SOX5: variants seen among roughly 807,000 people sequenced by gnomAD.
SOX5 encodes the protein transcription factor SOX-5.
A neutral mutation model predicts 92.0 loss-of-function variants in SOX5; 9 were observed. The observed-to-expected ratio is 0.10, with a 90% CI of 0.06 to 0.17. SOX5 has a LOEUF of 0.17. Among genes scored for constraint, SOX5 ranks in the 10% least tolerant of loss-of-function variants. SOX5 has a pLI of 1.00. For missense variants in SOX5, 642 were observed against 944.5 expected, an observed-to-expected ratio of 0.68 and a Z score of 4.20; for synonymous variants, 344 against 336.3, an observed-to-expected ratio of 1.02 and a Z score of -0.25.
At chr12:24,385,038 C>T (rs997287449) in intron 1 of SOX5, among the ~76,000 whole-genome samples, 1 of 151,188 alleles carries the variant, frequency 6.6e-6, no homozygotes. Flanking sequence ...GAGAGAGAGA[C>T]AGACCACATT....
intron 9 of SOX5, among the ~76,000 whole-genome samples, chr12:23,577,303 C>T (rs1366148988): frequency 6.7e-6 from 1 of 148,522 alleles, no homozygotes; most frequent in African/African-American, 2.5e-5. Flanking sequence ...AAGTGATTCT[C>T]CTGCCTCAGC....
chr12:24,344,281 CAAAAAAAAAAAAAAAAA>C (rs61660537), intron 2 of SOX5, among the ~76,000 whole-genome samples: 5 of 104,288 alleles, frequency 4.8e-5, no homozygotes, highest in Non-Finnish European at 1.0e-4. Context: ...GACTCTGTCT[CAAAAAAAAAAAAAAAAA>C]AAAAAAAAAA....
At chr12:23,662,188 G>T (rs368087644) in intron 7 of SOX5, among the ~76,000 whole-genome samples, 1 of 151,784 alleles carries the variant, frequency 6.6e-6, no homozygotes, top group Non-Finnish European at 1.5e-5. Flanking sequence ...GAGAGAGAAA[G>T]GATTTGATTC....
At chr12:23,927,962 T>TC (rs1311045938) in intron 1 of SOX5, among the ~76,000 whole-genome samples, 1 of 152,006 alleles carries the variant, frequency 6.6e-6, no homozygotes, top group Admixed American at 6.6e-5. Flanking sequence ...TTAGTAGCCA[T>TC]TAGATGGCTA....
chr12:23,604,255 CCTTA>C (rs1276098995), intron 9 of SOX5, 128 bp downstream of exon 9: 14 of 816,424 alleles, frequency 1.7e-5, no homozygotes, highest in Non-Finnish European at 2.6e-5. Context: ...CACCTGTTGC[CCTTA>C]CTTGATTCTT....
intron 3 of SOX5, among the ~76,000 whole-genome samples, chr12:24,251,485 T>C (rs529732814): frequency 2.6e-5 from 4 of 152,298 alleles, no homozygotes; most frequent in East Asian, 1.9e-4. Context: ...GTCTATATTA[T>C]AGCCTAGCTC....
At chr12:24,303,861 T>C (rs1346095303) in intron 2 of SOX5, among the ~76,000 whole-genome samples, 2 of 152,154 alleles carry the variant, frequency 1.3e-5, no homozygotes, top group Non-Finnish European at 2.9e-5. Context: ...CCAACCACAA[T>C]AGGTAAACTG....
At chr12:24,409,123 C>T (rs975390540) in intron 1 of SOX5, among the ~76,000 whole-genome samples, 4 of 152,200 alleles carry the variant, frequency 2.6e-5, no homozygotes, top group Admixed American at 6.5e-5. Flanking sequence ...GGTACATATA[C>T]ATCATGGAAT....
intron 4 of SOX5, among the ~76,000 whole-genome samples, chr12:24,083,422 G>A (rs558214888): frequency 2.0e-5 from 3 of 152,212 alleles, no homozygotes; most frequent in African/African-American, 7.2e-5. Context: ...GCCAGGCATT[G>A]TACCAAGCCA....
intron 2 of SOX5, among the ~76,000 whole-genome samples, chr12:24,299,886 C>A (rs1004316456): frequency 1.3e-5 from 2 of 152,160 alleles, no homozygotes; most frequent in African/African-American, 2.4e-5. Context: ...CCTTACCATG[C>A]TCTCTGTGTG....
intron 3 of SOX5, among the ~76,000 whole-genome samples, chr12:23,794,990 A>T (rs1473560207): frequency 6.6e-6 from 1 of 152,160 alleles, no homozygotes; most frequent in Admixed American, 6.6e-5. Context: ...ACAAAAACAC[A>T]ATAAGAAATT....
rs138915396 is a variant in SOX5 at position 24,118,156 on chromosome 12, T to C, written c.-2+95187A>G. 2.2e-3 allele frequency among the ~76,000 whole-genome samples: 334 copies of C among 152,064 alleles called. 1 individual carries two copies. The highest frequency in any genetic ancestry group is 7.4e-3 in the African/African-American group (308 of 41,478). ...ATCAAAAGTTACAAGGTTTTAATTA[T>C]ACTGGGGGAATAACTTTTAGTGATC... On this transcript the variant is annotated intron_variant, in intron 4 of 4. Transcript: ENST00000446891.
chr12:23,534,437 G>C lies in SOX5; in HGVS notation c.2074C>G (p.Pro692Ala). ...CTAGACACGCTTGAGTGCTCCGAGG[G>C]CAGGTGAGGGGAGGGCATCCCAGCC... Reference protein sequence around the residue: ...AMAGMPSPHLPSEHSSVSSSP... With the variant: ...AMAGMPSPHLASEHSSVSSSP... The change falls in exon 15 of 15, where the codon CCC becomes GCC. Residue 692 changes from proline to alanine, a missense_variant. By Grantham distance (27) the Pro-to-Ala change is conservative. Around this residue, in one of 8 missense-constraint regions of SOX5, gnomAD observed 130 missense variants for 140.6 expected, o/e 0.92. Transcript: ENST00000451604. 1 of 1,614,068 alleles carries C rather than the reference G, an allele frequency of 6.2e-7. No homozygotes were observed. The highest frequency in any genetic ancestry group is 8.5e-7 in the Non-Finnish European group (1 of 1,179,990).
At chr12:23,768,036 A>G (rs1216584236) in intron 3 of SOX5, among the ~76,000 whole-genome samples, 2 of 152,302 alleles carry the variant, frequency 1.3e-5, no homozygotes, top group African/African-American at 4.8e-5. Context: ...ATACTATGCC[A>G]TGGATTCCAT....
At chr12:24,441,426 T>C (rs538405421) in intron 1 of SOX5, among the ~76,000 whole-genome samples, 1 of 152,328 alleles carries the variant, frequency 6.6e-6, no homozygotes, top group African/African-American at 2.4e-5. Flanking sequence ...GTGCAAATTA[T>C]TACACCAACT....
chr12:24,224,291 A>G (rs1961325512), intron 3 of SOX5, among the ~76,000 whole-genome samples: 1 of 152,036 alleles, frequency 6.6e-6, no homozygotes, highest in South Asian at 2.1e-4. Context: ...CTTAGAGCTA[A>G]GTCTCCATTT....
chr12:23,541,213 T>G (rs956480760), intron 13 of SOX5, among the ~76,000 whole-genome samples: 1 of 152,180 alleles, frequency 6.6e-6, no homozygotes, highest in Non-Finnish European at 1.5e-5. Flanking sequence ...TTGCTACATT[T>G]CCTAAAATAT....
At chr12:23,984,940 T>A (rs957146114) in intron 4 of SOX5, among the ~76,000 whole-genome samples, 1 of 152,194 alleles carries the variant, frequency 6.6e-6, no homozygotes, top group Non-Finnish European at 1.5e-5. Flanking sequence ...ATTTTTTGTG[T>A]GTGAAAAATC....
chr12:23,789,855 T>C (rs777801895), intron 3 of SOX5, among the ~76,000 whole-genome samples: 2 of 152,106 alleles, frequency 1.3e-5, no homozygotes, highest in Admixed American at 6.5e-5. Flanking sequence ...ACCATGTACA[T>C]AGAAACACTG....
Sources: allele counts gnomAD v4.1 joint callset (sites outside exome capture counted in the v4.1 genomes callset), GRCh38; gene constraint gnomAD v4.1.1; regional missense constraint gnomAD v4.1.1; transcripts MANE v1.5; gene names NCBI Gene and HGNC (gene_info 2026-07-23, HGNC 2026-07-21).